CFAP58: variants seen among roughly 807,000 people sequenced by gnomAD.
The protein encoded by CFAP58 is cilia and flagella associated protein 58.
A neutral mutation model predicts 119.5 loss-of-function variants in CFAP58; 88 were observed. That is an observed-to-expected ratio of 0.74 (90% CI 0.62 to 0.88). The LOEUF is 0.88. CFAP58 is among the 40% of genes least tolerant of loss of function. The probability of loss-of-function intolerance (pLI) is 0.00; values close to 1 mark genes in which losing one functional copy is unlikely to be tolerated. For missense variants in CFAP58, 990 were observed against 1,021.2 expected (o/e 0.97, Z 0.42); for synonymous variants, 365 against 366.3 (o/e 1.00, Z 0.04).
In CFAP58 at chr10:104,385,726, A is replaced by T. The variant is rs2011909091; in HGVS notation, c.1365+5506A>T. 2.0e-5 allele frequency among the ~76,000 whole-genome samples: 3 copies of T among 152,276 alleles called. No homozygotes were observed. The South Asian group carries it at 6.2e-4, about 32-fold the overall frequency. The stretch of plus-strand genomic sequence containing the variant: ...CCAGCCTACAGAGAGTTGGTTTCTG[A>T]TTATGGAAATGAGCCCCTGGTCAAG... On this transcript the variant is annotated intron_variant, in intron 9 of 17. Coordinates refer to ENST00000369704, the MANE Select transcript of CFAP58 (RefSeq NM_001008723.2).
upstream of CFAP58, among the ~76,000 whole-genome samples, chr10:104,352,261 C>T (rs1004637545): frequency 6.6e-6 from 1 of 152,264 alleles, no homozygotes; most frequent in East Asian, 1.9e-4. Context: ...TGGATGGAAA[C>T]CCCACACTGG....
In CFAP58 at chr10:104,365,945, G is replaced by A. The variant is rs367778901; in HGVS notation, c.729G>A (p.Gln243=). 37 of 1,613,168 alleles carry A rather than the reference G, an allele frequency of 2.3e-5. No homozygotes were observed. The African/African-American group carries it at 3.3e-4, about 15-fold the overall frequency. Residue 243 remains glutamine, a synonymous_variant, in exon 5 of 18, where the codon CAG becomes CAA. Transcript: ENST00000369704. ...GGCAGACAGAAATAAAAGCCCTGCA[G>A]CAGTATGTGCAGAAGAGCAAGGAGG... The part of the protein sequence containing the change: ...DSRQTEIKAL[Q]QYVQKSKEEL...
Position 104,362,101 on chromosome 10 carries a change from A to G in CFAP58, c.370A>G (p.Lys124Glu), listed in dbSNP as rs1236430558. The part of the protein sequence containing the change: ...QKAKETILAL[K>E]EEIVNLTKLV... Reference sequence around the variant, plus strand: ...GGCCAAGGAGACGATTCTTGCTCTGAAAGAGGAAATAGTGAACCTGACCAA... The same window carrying G: ...GGCCAAGGAGACGATTCTTGCTCTGGAAGAGGAAATAGTGAACCTGACCAA... Residue 124 changes from lysine to glutamate, a missense_variant, in exon 3 of 18, where the codon AAA becomes GAA. Coordinates refer to ENST00000369704, the MANE Select transcript of CFAP58 (RefSeq NM_001008723.2). 1.9e-6 allele frequency: 3 copies of G among 1,614,148 alleles called. No individual in the cohort carries two copies. The highest frequency in any genetic ancestry group is 2.5e-6 in the Non-Finnish European group (3 of 1,180,016).
intron 13 of CFAP58, among the ~76,000 whole-genome samples, chr10:104,403,097 C>T (rs1345372778): frequency 6.6e-6 from 1 of 152,158 alleles, no homozygotes; most frequent in Non-Finnish European, 1.5e-5. Flanking sequence ...CCACATCTCA[C>T]CTTGAATTGT....
chr10:104,379,191 T>G (rs1358524460), intron 8 of CFAP58, among the ~76,000 whole-genome samples: 1 of 152,074 alleles, frequency 6.6e-6, no homozygotes, highest in African/African-American at 2.4e-5. Context: ...CTCCCACCCC[T>G]GGCAACTACG....
chr10:104,377,002 G>A, intron 8 of CFAP58, 109 bp downstream of exon 8: 6 of 767,294 alleles, frequency 7.8e-6, no homozygotes, highest in Non-Finnish European at 1.3e-5. Context: ...AACAAAAGTG[G>A]ATTAGAATAA....
intron 15 of CFAP58, among the ~76,000 whole-genome samples, chr10:104,437,739 AT>A (rs2012957659): frequency 6.6e-6 from 1 of 152,244 alleles, no homozygotes; most frequent in Non-Finnish European, 1.5e-5. Context: ...TTAAGAGGGA[AT>A]TTGGAAGAAA....
chr10:104,392,785 G>A (rs568775046), intron 10 of CFAP58, among the ~76,000 whole-genome samples: 108 of 151,858 alleles, frequency 7.1e-4, no homozygotes, highest in African/African-American at 2.3e-3. Flanking sequence ...GATTACAGGC[G>A]CATGCCACCA....
intron 8 of CFAP58, among the ~76,000 whole-genome samples, chr10:104,377,300 G>A (rs1214701176): frequency 6.6e-6 from 1 of 152,186 alleles, no homozygotes; most frequent in East Asian, 1.9e-4. Flanking sequence ...GAGGTGTTAG[G>A]TGTAGGAATG....
intron 1 of CFAP58, among the ~76,000 whole-genome samples, chr10:104,357,910 CACACAT>C (rs1564875892): frequency 2.0e-5 from 2 of 100,730 alleles, no homozygotes; most frequent in East Asian, 2.6e-4. Context: ...TACACATATA[CACACAT>C]ATATGTACAC....
At chr10:104,417,080 G>C (rs2012566278) in intron 15 of CFAP58, among the ~76,000 whole-genome samples, 1 of 152,202 alleles carries the variant, frequency 6.6e-6, no homozygotes, top group South Asian at 2.1e-4. Context: ...ATTTTAAGCA[G>C]ATCCCCAGGG....
At chr10:104,346,864 G>A in the CFAP58 span, among the ~76,000 whole-genome samples, 1 of 151,820 alleles carries the variant, frequency 6.6e-6, no homozygotes, top group Non-Finnish European at 1.5e-5. Flanking sequence ...TCAAACTCCT[G>A]ACCTCAAGTG....
chr10:104,442,342 C>T (rs949735072), intron 15 of CFAP58, among the ~76,000 whole-genome samples: 4 of 152,082 alleles, frequency 2.6e-5, no homozygotes, highest in African/African-American at 9.7e-5. Flanking sequence ...GTAATCCCAG[C>T]ACTTTGGGAG....
Position 104,392,405 on chromosome 10 carries a change from T to C in CFAP58, c.1527+11T>C, listed in dbSNP as rs1462335543. 1 of 1,517,722 alleles carries C rather than the reference T, an allele frequency of 6.6e-7. No homozygotes were observed. Among genetic ancestry groups the C allele is most frequent in the Non-Finnish European group, 8.9e-7 (1 of 1,127,014 alleles). The allele number at this position is 1,517,722 out of a possible 1,614,324, so 94.0% of individuals were successfully genotyped here. On this transcript the variant is annotated intron_variant, in intron 10 of 17. Transcript: ENST00000369704. ...CTGGTTGAGGCTCAGGTAAATAATA[T>C]ATTTATATCCTTACATTTTGATTTA...
At chr10:104,441,057 C>A (rs2013028951) in intron 15 of CFAP58, among the ~76,000 whole-genome samples, 1 of 152,206 alleles carries the variant, frequency 6.6e-6, no homozygotes, top group Non-Finnish European at 1.5e-5. Flanking sequence ...GGCTGGAGTG[C>A]AGTGGAGCAA....
rs56666132 is a variant in CFAP58 at position 104,453,761 on chromosome 10, AGTGTGTGTGTGTGT to A, written c.2511-638_2511-625del. 7.9e-5 allele frequency among the ~76,000 whole-genome samples: 11 copies of A among 138,932 alleles called. No individual in the cohort carries two copies. The South Asian group carries it at 1.2e-3, about 15-fold the overall frequency. The allele number at this position is 138,932 out of a possible 152,430, so 91.1% of individuals were successfully genotyped here. A position where few individuals can be genotyped will look rare whatever the true frequency, so the allele number is the denominator to read the frequency against. On this transcript the variant is annotated intron_variant, in intron 17 of 17. Coordinates refer to ENST00000369704, the MANE Select transcript of CFAP58 (RefSeq NM_001008723.2). ...TACTTCTGCAGGAAACATGAATATG[AGTGTGTGTGTGTGT>A]GTGTGTGTGTGTGTGTGTGTGTATT...
chr10:104,409,638 C>G (rs146299604), intron 15 of CFAP58, among the ~76,000 whole-genome samples: 191 of 152,234 alleles, frequency 1.3e-3, no homozygotes, highest in East Asian at 6.7e-3. Context: ...CATTTTAGAT[C>G]ATGATAAGGT....
intron 15 of CFAP58, among the ~76,000 whole-genome samples, chr10:104,439,389 G>T (rs934431704): frequency 6.6e-6 from 1 of 152,004 alleles, no homozygotes; most frequent in Non-Finnish European, 1.5e-5. Context: ...TGTCAGTTAT[G>T]TCAAAAAACC....
At chr10:104,369,936 CG>C (rs984285708) in intron 6 of CFAP58, among the ~76,000 whole-genome samples, 1 of 152,100 alleles carries the variant, frequency 6.6e-6, no homozygotes, top group African/African-American at 2.4e-5. Context: ...AGACAAAAAT[CG>C]GGTGCTTTTC....
Sources: allele counts gnomAD v4.1 joint callset (sites outside exome capture counted in the v4.1 genomes callset), GRCh38; gene constraint gnomAD v4.1.1; transcripts MANE v1.5; gene names NCBI Gene and HGNC (gene_info 2026-07-23, HGNC 2026-07-21).